The following PRKN variants were observed in gnomAD, a reference collection of about 807,000 sequenced individuals.
PRKN encodes E3 ubiquitin-protein ligase parkin.
Under a neutral mutation model 59.5 loss-of-function variants are expected in PRKN, and 56 were observed. The observed-to-expected ratio is 0.94, with a 90% CI of 0.76 to 1.18. The LOEUF is 1.18. Ranked by LOEUF, PRKN falls within the 50% of genes most tolerant of loss-of-function variation. The pLI, the probability that PRKN is intolerant of heterozygous loss-of-function variation, is 0.00. For synonymous variants in PRKN, 250 were observed against 222.1 expected (o/e 1.13, Z -1.12); for missense variants, 657 against 596.4 (o/e 1.10, Z -1.06).
intron 2 of PRKN, among the ~76,000 whole-genome samples, chr6:162,338,699 C>T (rs1783969914): frequency 6.6e-6 from 1 of 152,228 alleles, no homozygotes; most frequent in South Asian, 2.1e-4. Flanking sequence ...AGGAGTGTCT[C>T]TGCCTGGCCG....
intron 3 of PRKN, among the ~76,000 whole-genome samples, chr6:162,256,777 A>G (rs1779654821): frequency 6.6e-6 from 1 of 152,188 alleles, no homozygotes; most frequent in South Asian, 2.1e-4. Flanking sequence ...CTGTCCAGCC[A>G]GGCCTCATGG....
intron 7 of PRKN, among the ~76,000 whole-genome samples, chr6:161,586,914 G>C (rs1781542050): frequency 6.6e-6 from 1 of 152,172 alleles, no homozygotes; most frequent in African/African-American, 2.4e-5. Context: ...GTATGGTCTA[G>C]ACACTAGCAA....
At chr6:162,188,778 G>GTT (rs57578381) in intron 4 of PRKN, among the ~76,000 whole-genome samples, 2,587 of 139,172 alleles carry the variant, frequency 0.019, 25 homozygotes, top group Middle Eastern at 0.027. Context: ...CTTAGATTTC[G>GTT]TTTTTTTTTT....
intron 2 of PRKN, among the ~76,000 whole-genome samples, chr6:162,274,237 T>C (rs779520945): frequency 2.0e-5 from 3 of 152,210 alleles, no homozygotes; most frequent in East Asian, 1.9e-4. Flanking sequence ...TCACTCAGGC[T>C]GGAGTGCAGG....
intron 1 of PRKN, among the ~76,000 whole-genome samples, chr6:162,498,564 G>A (rs759825058): frequency 1.8e-4 from 27 of 147,344 alleles, no homozygotes; most frequent in Non-Finnish European, 8.9e-5. Flanking sequence ...TCCTGCCTCA[G>A]CCTCCTGAGT....
At chr6:162,530,618 AGAATGCAGT>A (rs1778471427) in intron 1 of PRKN, among the ~76,000 whole-genome samples, 1 of 152,168 alleles carries the variant, frequency 6.6e-6, no homozygotes, top group African/African-American at 2.4e-5. Flanking sequence ...GGTTGCTGTG[AGAATGCAGT>A]GAGAAAAGCA....
At chr6:161,889,031 C>T (rs1795248657) in intron 6 of PRKN, among the ~76,000 whole-genome samples, 1 of 152,054 alleles carries the variant, frequency 6.6e-6, no homozygotes, top group Admixed American at 6.6e-5. Flanking sequence ...ACATAAGAAC[C>T]TAAACTTCAA....
chr6:162,588,620 C>T (rs761760612), intron 1 of PRKN, among the ~76,000 whole-genome samples: 2 of 151,928 alleles, frequency 1.3e-5, no homozygotes, highest in African/African-American at 2.4e-5. Context: ...GGCGCCATCT[C>T]GGCTCACTGC....
chr6:161,598,947 A>G (rs1047155827), intron 7 of PRKN, among the ~76,000 whole-genome samples: 32 of 152,242 alleles, frequency 2.1e-4, no homozygotes, highest in African/African-American at 7.7e-4. Flanking sequence ...GGGCCCTAAT[A>G]CAATATAACT....
intron 6 of PRKN, among the ~76,000 whole-genome samples, chr6:161,800,852 T>C (rs993170794): frequency 2.6e-5 from 4 of 152,210 alleles, no homozygotes; most frequent in Non-Finnish European, 5.9e-5. Flanking sequence ...ATGCTTCTAA[T>C]GTGCCATGTT....
chr6:162,453,469 C>T (rs374010321), intron 1 of PRKN, among the ~76,000 whole-genome samples: 2 of 152,074 alleles, frequency 1.3e-5, no homozygotes, highest in African/African-American at 2.4e-5. Context: ...TATAATAAGA[C>T]GTGTATACTG....
chr6:162,161,487 C>T (rs1165268362), intron 4 of PRKN, among the ~76,000 whole-genome samples: 6 of 152,150 alleles, frequency 3.9e-5, no homozygotes, highest in African/African-American at 1.4e-4. Context: ...ATAAGCAATA[C>T]ATAAGTTTGG....
At chr6:161,380,283 C>A (rs1013163148) in intron 10 of PRKN, among the ~76,000 whole-genome samples, 5 of 152,158 alleles carry the variant, frequency 3.3e-5, no homozygotes, top group African/African-American at 1.2e-4. Flanking sequence ...GGCCAGGTCC[C>A]ACTTTTATGC....
rs537023811 is a variant in PRKN at position 161,839,621 on chromosome 6, C to A, written c.735-53713G>T. On this transcript the variant is annotated intron_variant, in intron 6 of 11. Coordinates refer to ENST00000366898, the MANE Select transcript of PRKN (RefSeq NM_004562.3). ...AGAGTCAGATCCCTCGTCTGCAAAGCTCTAGATATCCCTGTCCCTTGATTT... is the reference window on the plus strand; with the variant it reads ...AGAGTCAGATCCCTCGTCTGCAAAGATCTAGATATCCCTGTCCCTTGATTT... 1.2e-4 allele frequency among the ~76,000 whole-genome samples: 18 copies of A among 152,278 alleles called. 1 individual carries two copies. The East Asian group carries it at 3.5e-3, about 29-fold the overall frequency.
rs147860970 is a variant in PRKN at position 161,498,309 on chromosome 6, C to T, written c.1083+50545G>A. 8.3e-4 allele frequency among the ~76,000 whole-genome samples: 126 copies of T among 152,230 alleles called. No homozygotes were observed. Among genetic ancestry groups the T allele is most frequent in the African/African-American group, 2.9e-3 (122 of 41,528 alleles). On this transcript the variant is annotated intron_variant, in intron 9 of 11. Coordinates refer to ENST00000366898, the MANE Select transcript of PRKN (RefSeq NM_004562.3). This position sits in a 1 kb window ranked among gnomAD's most constrained non-coding sequence, Gnocchi z 4.2. ...TTATAATTAGTGTTTGTATTTATTA[C>T]ATTTGTTATGTTACTCCTCTCCTCA...
chr6:161,586,451 C>A (rs1269522824), intron 7 of PRKN, among the ~76,000 whole-genome samples: 1 of 152,148 alleles, frequency 6.6e-6, no homozygotes, highest in Admixed American at 6.5e-5. Context: ...AATGAAATTA[C>A]CCCAGTCCTC....
Position 161,456,397 on chromosome 6 carries a change from G to A in PRKN, c.1084-69520C>T, listed in dbSNP as rs1789971554. Among the ~76,000 whole-genome samples, 1 of 152,164 alleles carries A rather than the reference G, an allele frequency of 6.6e-6. No individual in the cohort carries two copies. Among genetic ancestry groups the A allele is most frequent in the African/African-American group, 2.4e-5 (1 of 41,446 alleles). ...ACTCTTGGACCTACACCAGTGGTTT[G>A]CCAGGGGCTCTCAGGCCTTTGGCCA... is the stretch of plus-strand genomic sequence containing the variant. On this transcript the variant is annotated intron_variant, in intron 9 of 11. Transcript: ENST00000366898. The surrounding 1 kb of genome is among the most constrained non-coding windows in gnomAD (Gnocchi z 4.8).
rs1490174457 is a variant in PRKN at position 161,357,103 on chromosome 6, GTGCAATGGCA to G, written c.1285+2975_1285+2984del. Among the ~76,000 whole-genome samples the G allele has an allele frequency of 1.4e-5, 2 of 147,022 alleles. No homozygotes were observed. Among genetic ancestry groups the G allele is most frequent in the Non-Finnish European group, 3.0e-5 (2 of 67,242 alleles). On this transcript the variant is annotated intron_variant, in intron 11 of 11. Transcript: ENST00000366898. The surrounding 1 kb of genome is among the most constrained non-coding windows in gnomAD (Gnocchi z 5.5). ...GTCTTGCTCTGTCACTCAGGCTGGA[GTGCAATGGCA>G]TGATCTCAGCTCACTGCAAATTCCG... is the stretch of plus-strand genomic sequence containing the variant.
chr6:161,639,903 T>C (rs757210475), intron 7 of PRKN, among the ~76,000 whole-genome samples: 17 of 152,202 alleles, frequency 1.1e-4, no homozygotes, highest in Non-Finnish European at 1.8e-4. Context: ...GACTGCTGAC[T>C]GTGCTACTCA....
Sources: gnomAD v4.1 joint callset for allele counts (sites outside exome capture counted in the v4.1 genomes callset) on GRCh38, gnomAD v4.1.1 for gene constraint, Gnocchi (gnomAD v3.1) non-coding constraint, MANE v1.5 for transcripts, NCBI Gene and HGNC (gene_info 2026-07-23, HGNC 2026-07-21) for gene names.